IRAG2: variants seen among roughly 807,000 people sequenced by gnomAD.
IRAG2 encodes the protein lymphoid restricted membrane protein.
Under a neutral mutation model 69.9 loss-of-function variants are expected in IRAG2, and 45 were observed. The observed-to-expected ratio is 0.64, with a 90% CI of 0.51 to 0.83. The LOEUF (loss-of-function observed/expected upper bound fraction) is 0.83. Ranked by LOEUF, IRAG2 falls within the 40% of genes least tolerant of loss-of-function variation. The probability of loss-of-function intolerance (pLI) is 0.00; values close to 1 mark genes in which losing one functional copy is unlikely to be tolerated. For synonymous variants in IRAG2, 193 were observed against 202.4 expected (o/e 0.95, Z 0.40); for missense variants, 520 against 587.0 (o/e 0.89, Z 1.18).
intron 16 of IRAG2, 124 bp from the exon 17 acceptor site, chr12:25,102,074 C>T: frequency 1.4e-6 from 1 of 726,344 alleles, no homozygotes. Context: ...ATTTATATTG[C>T]TCGGTAGTCT....
At chr12:25,027,573 T>C (rs959702746) in intron 9 of IRAG2, among the ~76,000 whole-genome samples, 1 of 151,822 alleles carries the variant, frequency 6.6e-6, no homozygotes, top group African/African-American at 2.4e-5. Context: ...TTTTTGTATT[T>C]TTAGTAGAGA....
chr12:25,051,166 G>A (rs1356644081), upstream of IRAG2, among the ~76,000 whole-genome samples: 1 of 151,842 alleles, frequency 6.6e-6, no homozygotes, highest in Admixed American at 6.6e-5. Context: ...GAAAAAGAGA[G>A]TGAGAGAGAC....
intron 7 of IRAG2, among the ~76,000 whole-genome samples, chr12:25,021,349 T>C (rs1944579013): frequency 6.6e-6 from 1 of 152,172 alleles, no homozygotes; most frequent in Non-Finnish European, 1.5e-5. Flanking sequence ...AGAAAATATC[T>C]GGAATGCCTC....
intron 16 of IRAG2, among the ~76,000 whole-genome samples, chr12:25,039,164 G>A (rs1591934502): frequency 6.6e-6 from 1 of 152,246 alleles, no homozygotes; most frequent in East Asian, 1.9e-4. Flanking sequence ...ATGAACACAG[G>A]TATATATTTC....
At chr12:25,094,993 T>C (rs558964964) in intron 14 of IRAG2, among the ~76,000 whole-genome samples, 1 of 152,308 alleles carries the variant, frequency 6.6e-6, no homozygotes. Context: ...GTGTTTACTA[T>C]GTATGAGATC....
rs552728269 is a variant in IRAG2, at chr12:25,040,823, C to A, written c.2144+2686C>A. Among the ~76,000 whole-genome samples the A allele has an allele frequency of 2.6e-5, 4 of 152,272 alleles. No individual in the cohort carries two copies. The South Asian group carries it at 6.2e-4, about 24-fold the overall frequency. On this transcript the variant is annotated intron_variant, in intron 16 of 38. Coordinates refer to the IRAG2 transcript ENST00000636465. ...ATGTCCGCTCTTTGCCTGGCTTCCA[C>A]CCCTTCCCCAACCCCAGATGATAAG...
chr12:25,008,418 A>G (rs548229080), intron 2 of IRAG2, among the ~76,000 whole-genome samples: 1 of 152,244 alleles, frequency 6.6e-6, no homozygotes, highest in South Asian at 2.1e-4. Flanking sequence ...CCTGGGAAAC[A>G]TAGTGAAACC....
chr12:25,009,321 T>C (rs557972555), intron 2 of IRAG2, among the ~76,000 whole-genome samples: 1 of 152,260 alleles, frequency 6.6e-6, no homozygotes, highest in African/African-American at 2.4e-5. Context: ...ATCCCAAAAC[T>C]ATAATAAATA....
chr12:25,102,112 G>T, intron 16 of IRAG2, 86 bp from the exon 17 acceptor site: 1 of 956,512 alleles, frequency 1.0e-6, no homozygotes, highest in Admixed American at 1.9e-5. Flanking sequence ...TCTGAATTTT[G>T]CTTTACCTTT....
upstream of IRAG2, among the ~76,000 whole-genome samples, chr12:25,049,617 A>C (rs1944824418): frequency 2.0e-5 from 3 of 152,252 alleles, no homozygotes; most frequent in South Asian, 6.2e-4. Flanking sequence ...AAACATACTC[A>C]ACATAACTAA....
At chr12:25,061,480 AT>A (rs1422091324) in intron 1 of IRAG2, 111 bp from the exon 2 acceptor site, 5 of 395,040 alleles carry the variant, frequency 1.3e-5, no homozygotes, top group Non-Finnish European at 1.8e-5. Context: ...AGGTGAGATC[AT>A]GCCACTGCAC....
intron 16 of IRAG2, among the ~76,000 whole-genome samples, chr12:25,038,724 C>A (rs929019773): frequency 9.9e-5 from 15 of 151,766 alleles, no homozygotes; most frequent in Non-Finnish European, 1.8e-4. Context: ...AAAATATAAT[C>A]TTTTACCAGA....
intron 2 of IRAG2, among the ~76,000 whole-genome samples, chr12:25,062,029 T>G (rs1311962895): frequency 6.6e-6 from 1 of 152,222 alleles, no homozygotes; most frequent in African/African-American, 2.4e-5. Context: ...GAATAGGCTT[T>G]GATGGTTACT....
intron 1 of IRAG2, among the ~76,000 whole-genome samples, chr12:25,056,339 C>T (rs902882940): frequency 6.6e-6 from 1 of 152,194 alleles, no homozygotes; most frequent in South Asian, 2.1e-4. Flanking sequence ...AAGCCAAATA[C>T]AGCTTGCTCA....
intron 16 of IRAG2, among the ~76,000 whole-genome samples, chr12:25,042,517 G>A (rs1167160234): frequency 6.6e-6 from 1 of 152,016 alleles, no homozygotes; most frequent in Non-Finnish European, 1.5e-5. Flanking sequence ...CCAGGGTGGA[G>A]TGCAGTGGTG....
intron 20 of IRAG2, 90 bp downstream of exon 20, chr12:25,104,552 C>CTGTA: frequency 1.3e-6 from 1 of 747,102 alleles, no homozygotes; most frequent in Admixed American, 2.0e-5. Context: ...TGAAATAATG[C>CTGTA]TGTATAATTA....
chr12:25,011,328 C>CT, intron 2 of IRAG2: 2 of 1,228,830 alleles, frequency 1.6e-6, no homozygotes, highest in Middle Eastern at 3.1e-4. Flanking sequence ...AAAAATATAA[C>CT]TTTTCTGTCT....
chr12:25,083,837 ATGAAGT>A (rs1947385029), intron 10 of IRAG2, among the ~76,000 whole-genome samples: 1 of 152,258 alleles, frequency 6.6e-6, no homozygotes, highest in Non-Finnish European at 1.5e-5. Flanking sequence ...GCATTAATAA[ATGAAGT>A]TGAATAAAAC....
At chr12:25,051,652 G>A (rs1299614246), upstream of IRAG2, among the ~76,000 whole-genome samples, 1 of 152,200 alleles carries the variant, frequency 6.6e-6, no homozygotes, top group Non-Finnish European at 1.5e-5. Flanking sequence ...GGGGAGAAAA[G>A]CTTCAGCAAA....
Sources: allele counts gnomAD v4.1 joint callset (sites outside exome capture counted in the v4.1 genomes callset), GRCh38; gene constraint gnomAD v4.1.1; transcripts MANE v1.5; gene names NCBI Gene and HGNC (gene_info 2026-07-23, HGNC 2026-07-21).